The following FRMD3 variants were observed in gnomAD, a reference collection of about 807,000 sequenced individuals.
FRMD3 encodes FERM domain containing 3.
FRMD3 carries 33 observed loss-of-function variants against 70.2 expected under a neutral mutation model. That is an observed-to-expected ratio of 0.47 (90% CI 0.36 to 0.63). The LOEUF (loss-of-function observed/expected upper bound fraction) is 0.63, where lower values mean the gene tolerates loss of function less well. Ranked by LOEUF, FRMD3 falls within the 20% of genes least tolerant of loss-of-function variation. FRMD3 has a pLI of 0.00. For missense variants in FRMD3, 632 were observed against 711.4 expected, an observed-to-expected ratio of 0.89 and a Z score of 1.27; for synonymous variants, 279 against 255.9, an observed-to-expected ratio of 1.09 and a Z score of -0.86.
At chr9:83,407,701 G>C (rs1273996883) in intron 1 of FRMD3, among the ~76,000 whole-genome samples, 4 of 152,136 alleles carry the variant, frequency 2.6e-5, no homozygotes, top group Non-Finnish European at 4.4e-5. Flanking sequence ...TCTTTGTATT[G>C]ACTGAGCTCA....
chr9:83,287,611 C>G (rs111616167), intron 13 of FRMD3, among the ~76,000 whole-genome samples: 3 of 152,184 alleles, frequency 2.0e-5, no homozygotes, highest in Non-Finnish European at 2.9e-5. Flanking sequence ...CCCCCAGAAC[C>G]CTCTTCCCTG....
intron 2 of FRMD3, among the ~76,000 whole-genome samples, chr9:83,385,438 C>T (rs939143857): frequency 6.6e-6 from 1 of 152,096 alleles, no homozygotes; most frequent in Non-Finnish European, 1.5e-5. Context: ...AAATGCTGGG[C>T]CCTGGACATC....
At chr9:83,369,075 G>A (rs1414022497) in intron 3 of FRMD3, among the ~76,000 whole-genome samples, 3 of 151,944 alleles carry the variant, frequency 2.0e-5, no homozygotes, top group Non-Finnish European at 2.9e-5. Context: ...GGATGGTCTC[G>A]ATCTCCTGAC....
intron 1 of FRMD3, among the ~76,000 whole-genome samples, chr9:83,479,569 A>C (rs947500675): frequency 7.1e-6 from 1 of 141,626 alleles, no homozygotes; most frequent in African/African-American, 2.7e-5. Flanking sequence ...CGAGGCTGCA[A>C]ATAGCTATGA....
intron 1 of FRMD3, among the ~76,000 whole-genome samples, chr9:83,420,666 C>T (rs893680537): frequency 1.3e-5 from 2 of 152,076 alleles, no homozygotes; most frequent in Non-Finnish European, 2.9e-5. Flanking sequence ...GGAGGTGGGC[C>T]CTGGTGGAAG....
chr9:83,514,953 T>A (rs753329839), intron 1 of FRMD3, among the ~76,000 whole-genome samples: 2 of 151,794 alleles, frequency 1.3e-5, no homozygotes, highest in Non-Finnish European at 2.9e-5. Flanking sequence ...AATAACTCCA[T>A]CCAAAGGTCA....
chr9:83,300,910 G>A (rs571929423), intron 10 of FRMD3, among the ~76,000 whole-genome samples: 28 of 152,274 alleles, frequency 1.8e-4, no homozygotes, highest in African/African-American at 6.5e-4. Flanking sequence ...GGTCTTTATC[G>A]AGAGAACAAT....
chr9:83,349,482 T>C (rs181058626), intron 4 of FRMD3, among the ~76,000 whole-genome samples, 197 bp downstream of exon 4: 155 of 152,254 alleles, frequency 1.0e-3, no homozygotes, highest in South Asian at 4.8e-3. Context: ...TTAATTACAC[T>C]CTCAATGACA....
At chr9:83,390,964 A>T (rs1443712792) in intron 1 of FRMD3, among the ~76,000 whole-genome samples, 2 of 152,216 alleles carry the variant, frequency 1.3e-5, no homozygotes, top group East Asian at 1.9e-4. Context: ...ATCTCCATTG[A>T]CTACTCAAGA....
Position 83,537,217 on chromosome 9 carries a change from C to A in FRMD3, c.147+868G>T, listed in dbSNP as rs992837877. ...ACCTTTGCACCTCACACTAGCTCTC[C>A]TGACAGCCCAGAGGCACTTACTACC... On this transcript the variant is annotated intron_variant, in intron 1 of 13. Transcript: ENST00000304195. The surrounding 1 kb of genome is among the most constrained non-coding windows in gnomAD (Gnocchi z 4.1). 6.6e-6 allele frequency among the ~76,000 whole-genome samples: 1 copy of A among 152,140 alleles called. No individual in the cohort carries two copies. The highest frequency in any genetic ancestry group is 2.4e-5 in the African/African-American group (1 of 41,426).
At chr9:83,336,507 C>T (rs1241423435) in intron 5 of FRMD3, among the ~76,000 whole-genome samples, 2 of 150,794 alleles carry the variant, frequency 1.3e-5, no homozygotes, top group Non-Finnish European at 2.9e-5. Flanking sequence ...GAGGCTTATG[C>T]AGGTGTGGCT....
At chr9:83,529,111 T>G (rs911740820) in intron 1 of FRMD3, among the ~76,000 whole-genome samples, 3 of 152,228 alleles carry the variant, frequency 2.0e-5, no homozygotes, top group Non-Finnish European at 2.9e-5. Context: ...ATTCAATCTG[T>G]TGCAATATCA....
chr9:83,319,364 T>G (rs973244968), intron 6 of FRMD3, among the ~76,000 whole-genome samples: 5 of 152,180 alleles, frequency 3.3e-5, no homozygotes, highest in Admixed American at 6.5e-5. Flanking sequence ...TTTTTGTTTA[T>G]GGTGAGATGT....
chr9:83,313,788 A>G, intron 6 of FRMD3, 41 bp from the exon 7 acceptor site: 1 of 1,456,562 alleles, frequency 6.9e-7, no homozygotes, highest in Non-Finnish European at 9.6e-7. Flanking sequence ...TAAAATGGAA[A>G]AGAATAGAAA....
chr9:83,442,621 G>A (rs971556600), intron 1 of FRMD3, among the ~76,000 whole-genome samples: 7 of 151,924 alleles, frequency 4.6e-5, no homozygotes, highest in Non-Finnish European at 1.0e-4. Context: ...TGACTCCTGA[G>A]CCTGAGCACT....
At chr9:83,385,186 TA>T (rs11367534) in intron 2 of FRMD3, among the ~76,000 whole-genome samples, 109,719 of 149,652 alleles carry the variant, frequency 0.73, 40,332 homozygotes, top group African/African-American at 0.79. Context: ...TATACTGGAG[TA>T]AAAAAAAAAA....
intron 13 of FRMD3, among the ~76,000 whole-genome samples, chr9:83,252,374 C>T (rs746909361): frequency 1.3e-5 from 2 of 152,184 alleles, no homozygotes; most frequent in Non-Finnish European, 2.9e-5. Context: ...GAAGGAAGTA[C>T]TAAATATGGA....
At chr9:83,261,437 T>C (rs879273923) in intron 13 of FRMD3, among the ~76,000 whole-genome samples, 4 of 152,138 alleles carry the variant, frequency 2.6e-5, no homozygotes, top group East Asian at 1.9e-4. Context: ...GATCACCATA[T>C]TGCTAAAGCC....
chr9:83,553,354 T>A, the FRMD3 span, among the ~76,000 whole-genome samples: 1 of 152,180 alleles, frequency 6.6e-6, no homozygotes, highest in Non-Finnish European at 1.5e-5. Context: ...GTTAACCTCA[T>A]GGGGTTCCCT....
Sources: gnomAD v4.1 joint callset for allele counts (sites outside exome capture counted in the v4.1 genomes callset) on GRCh38, gnomAD v4.1.1 for gene constraint, Gnocchi (gnomAD v3.1) non-coding constraint, MANE v1.5 for transcripts, NCBI Gene and HGNC (gene_info 2026-07-23, HGNC 2026-07-21) for gene names.